Variants in MARCHF10 observed in about 807,000 individuals in gnomAD.
MARCHF10 encodes membrane associated ring-CH-type finger 10, also known as probable E3 ubiquitin-protein ligase MARCHF10.
In MARCHF10, 64 loss-of-function variants were observed where a neutral mutation model predicts 76.2. The ratio of observed to expected loss-of-function variants is 0.84; its 90% confidence interval spans 0.69 to 1.03. The LOEUF (loss-of-function observed/expected upper bound fraction) is 1.03. Ranked by LOEUF, MARCHF10 falls within the 50% of genes least tolerant of loss-of-function variation. The probability of loss-of-function intolerance (pLI) is 0.00; values close to 1 mark genes in which losing one functional copy is unlikely to be tolerated. For synonymous variants in MARCHF10, 340 were observed against 357.5 expected (o/e 0.95, Z 0.55); for missense variants, 875 against 958.0 (o/e 0.91, Z 1.14).
chr17:62,758,436 C>A (rs944071639), intron 4 of MARCHF10, among the ~76,000 whole-genome samples: 1 of 152,244 alleles, frequency 6.6e-6, no homozygotes, highest in East Asian at 1.9e-4. Flanking sequence ...ATCCTCAATT[C>A]GATAAATTAC....
At chr17:62,803,678 C>A (rs1160300570) in intron 1 of MARCHF10, among the ~76,000 whole-genome samples, 2 of 152,252 alleles carry the variant, frequency 1.3e-5, no homozygotes, top group South Asian at 2.1e-4. Context: ...TGCCACCACA[C>A]CCGGCTAATT....
chr17:62,797,138 G>C (rs527715424), intron 2 of MARCHF10, among the ~76,000 whole-genome samples: 1 of 152,194 alleles, frequency 6.6e-6, no homozygotes, highest in African/African-American at 2.4e-5. Context: ...GATAGTTATG[G>C]CTGCAAACTT....
chr17:62,793,526 C>T (rs2092921644), intron 2 of MARCHF10, among the ~76,000 whole-genome samples: 1 of 104,758 alleles, frequency 9.5e-6, no homozygotes, highest in Non-Finnish European at 2.0e-5. Flanking sequence ...ACCACCACCT[C>T]CATCACCACC....
In MARCHF10 at chr17:62,711,063, G is replaced by A. The variant is rs1348395429; in HGVS notation, c.2328+168C>T. Among the ~76,000 whole-genome samples, 3 of 152,136 alleles carry A rather than the reference G, an allele frequency of 2.0e-5. No individual in the cohort carries two copies. The highest frequency in any genetic ancestry group is 4.4e-5 in the Non-Finnish European group (3 of 68,026). ...GATCGTCACTTACTTTTCAGCCAGA[G>A]GGTCACCATGTGTACACTTAGCAGC... On this transcript the variant is annotated intron_variant, in intron 9 of 10. Coordinates refer to ENST00000311269, the MANE Select transcript of MARCHF10 (RefSeq NM_152598.4). This position sits in a 1 kb window ranked among gnomAD's most constrained non-coding sequence, Gnocchi z 4.4.
At chr17:62,704,614 C>T (rs1257519675) in intron 10 of MARCHF10, among the ~76,000 whole-genome samples, 1 of 152,256 alleles carries the variant, frequency 6.6e-6, no homozygotes. Flanking sequence ...AAAGCACCCC[C>T]GCAGTCGGCT....
At chr17:62,788,211 C>T (rs1342646411) in intron 3 of MARCHF10, among the ~76,000 whole-genome samples, 1 of 152,136 alleles carries the variant, frequency 6.6e-6, no homozygotes, top group Non-Finnish European at 1.5e-5. Flanking sequence ...CCATCTGTGT[C>T]AGGACCTTTA....
rs1360935892 is a variant in MARCHF10 at position 62,788,470 on chromosome 17, T to A, written c.210+10A>T. ...AGCCCCAGGAGACTGTCTCCCAGAA[T>A]TCTTCATACCTGTTTGGAAGATGAC... On this transcript the variant is annotated intron_variant, in intron 3 of 10. Transcript: ENST00000311269. 2 of 1,613,886 alleles carry A rather than the reference T, an allele frequency of 1.2e-6. No individual in the cohort carries two copies. The highest frequency in any genetic ancestry group is 4.5e-5 in the East Asian group (2 of 44,856).
chr17:62,725,221 C>T (rs987631098), intron 6 of MARCHF10, 117 bp from the exon 7 acceptor site: 2 of 830,944 alleles, frequency 2.4e-6, no homozygotes, highest in African/African-American at 3.6e-5. Flanking sequence ...CACCCGCTGC[C>T]CCCTCTGACC....
intron 5 of MARCHF10, among the ~76,000 whole-genome samples, chr17:62,741,136 G>A (rs1488105370): frequency 2.6e-5 from 4 of 152,030 alleles, no homozygotes; most frequent in African/African-American, 9.7e-5. Flanking sequence ...ATCTTATTAT[G>A]AGCATTATGC....
intron 3 of MARCHF10, among the ~76,000 whole-genome samples, chr17:62,764,280 G>A (rs531471437): frequency 6.6e-5 from 10 of 152,238 alleles, no homozygotes; most frequent in Non-Finnish European, 1.5e-4. Context: ...TCCAAGAACC[G>A]GCAAACTGGT....
At chr17:62,805,968 C>G (rs1394624559) in intron 1 of MARCHF10, among the ~76,000 whole-genome samples, 4 of 151,888 alleles carry the variant, frequency 2.6e-5, no homozygotes, top group Non-Finnish European at 5.9e-5. Context: ...ACAAAAGTCT[C>G]TCTTCCTTCC....
chr17:62,751,593 G>A (rs2091899574), intron 4 of MARCHF10, among the ~76,000 whole-genome samples: 1 of 152,200 alleles, frequency 6.6e-6, no homozygotes, highest in African/African-American at 2.4e-5. Context: ...CTGTGGGTCA[G>A]GGACAGGAAG....
At chr17:62,731,300 T>C (rs1034528042) in intron 6 of MARCHF10, among the ~76,000 whole-genome samples, 2 of 152,210 alleles carry the variant, frequency 1.3e-5, no homozygotes, top group Non-Finnish European at 2.9e-5. Context: ...TCTTGCTCTG[T>C]TGCCCAGGCT....
intron 3 of MARCHF10, among the ~76,000 whole-genome samples, chr17:62,761,869 C>T (rs1285377008): frequency 6.6e-6 from 1 of 152,128 alleles, no homozygotes; most frequent in African/African-American, 2.4e-5. Context: ...AGAAGAGCAT[C>T]AATGAATAAG....
In MARCHF10 at chr17:62,701,726, T is replaced by C. The variant is rs766131670; in HGVS notation, c.2404A>G (p.Ile802Val). ...SELGDGNEGS[I>V]SQSQVV ...TGCTAGACGACCTGGCTTTGAGAAA[T>C]GCTGCCTTCATTTCCATCTCCCAAC... Residue 802 changes from isoleucine to valine, a missense_variant, in exon 11 of 11, where the codon ATT becomes GTT. By Grantham distance (29) the Ile-to-Val change is conservative. Transcript: ENST00000311269. The C allele has an allele frequency of 1.3e-4, 209 of 1,614,034 alleles. 1 individual carries two copies. Among genetic ancestry groups the C allele is most frequent in the Middle Eastern group, 3.3e-4 (2 of 6,082 alleles).
chr17:62,717,522 G>T (rs1347105109), intron 8 of MARCHF10, among the ~76,000 whole-genome samples: 3 of 152,252 alleles, frequency 2.0e-5, no homozygotes. Flanking sequence ...TCCCCAGCCG[G>T]GCTTCCTTGC....
At chr17:62,805,303 G>T (rs757705699) in intron 1 of MARCHF10, among the ~76,000 whole-genome samples, 1 of 152,162 alleles carries the variant, frequency 6.6e-6, no homozygotes, top group African/African-American at 2.4e-5. Flanking sequence ...TTCAGAAAAC[G>T]ATGGTGTTAA....
In MARCHF10 at chr17:62,738,461, C is replaced by G. The variant is rs1025089613; in HGVS notation, c.536-1129G>C. Reference sequence around the variant, plus strand: ...TTCCCTCCTGACATCGGCCTCCCCCCGCTTTGTTCTCCTCTCTGCTATTGT... The same window carrying G: ...TTCCCTCCTGACATCGGCCTCCCCCGGCTTTGTTCTCCTCTCTGCTATTGT... On this transcript the variant is annotated intron_variant, in intron 5 of 10. Coordinates refer to ENST00000311269, the MANE Select transcript of MARCHF10 (RefSeq NM_152598.4). This position sits in a 1 kb window ranked among gnomAD's most constrained non-coding sequence, Gnocchi z 4.0. Among the ~76,000 whole-genome samples the G allele has an allele frequency of 3.3e-5, 5 of 152,264 alleles. No homozygotes were observed. The highest frequency in any genetic ancestry group is 4.1e-4 in the South Asian group (2 of 4,820).
At chr17:62,789,420 C>T (rs529736102) in intron 2 of MARCHF10, among the ~76,000 whole-genome samples, 5 of 152,352 alleles carry the variant, frequency 3.3e-5, no homozygotes, top group Non-Finnish European at 4.4e-5. Flanking sequence ...CTGCTGTGGC[C>T]TTGCCTCTCT....
Sources: gnomAD v4.1 joint callset for allele counts (sites outside exome capture counted in the v4.1 genomes callset) on GRCh38, gnomAD v4.1.1 for gene constraint, Gnocchi (gnomAD v3.1) non-coding constraint, MANE v1.5 for transcripts, NCBI Gene and HGNC (gene_info 2026-07-23, HGNC 2026-07-21) for gene names.